Variants in RAB27B observed in about 807,000 individuals in gnomAD.
RAB27B encodes the protein ras-related protein Rab-27B.
In RAB27B, 15 loss-of-function variants were observed where a neutral mutation model predicts 24.6. That is an observed-to-expected ratio of 0.61 (90% CI 0.41 to 0.94). The LOEUF (loss-of-function observed/expected upper bound fraction) is 0.94, where lower values mean the gene tolerates loss of function less well. RAB27B is among the 40% of genes least tolerant of loss of function. RAB27B has a pLI of 0.00. For synonymous variants in RAB27B, 105 were observed against 92.5 expected (o/e 1.14, Z -0.78); for missense variants, 261 against 266.8 (o/e 0.98, Z 0.15).
chr18:54,812,146 T>C (rs1030315779), intron 2 of RAB27B, among the ~76,000 whole-genome samples: 1 of 152,186 alleles, frequency 6.6e-6, no homozygotes, highest in Non-Finnish European at 1.5e-5. Flanking sequence ...ATTAGTTTCA[T>C]TGACATTTTG....
chr18:54,795,076 G>T (rs1909372909), intron 2 of RAB27B, among the ~76,000 whole-genome samples: 1 of 152,142 alleles, frequency 6.6e-6, no homozygotes, highest in Non-Finnish European at 1.5e-5. Flanking sequence ...TACCAGGATG[G>T]AAATTGAGCT....
At chr18:54,859,515 A>T (rs1911928193) in intron 1 of RAB27B, among the ~76,000 whole-genome samples, 1 of 151,974 alleles carries the variant, frequency 6.6e-6, no homozygotes, top group Admixed American at 6.6e-5. Context: ...CCTATTCGAA[A>T]GCTAAAGAAT....
chr18:54,820,834 T>C (rs1037356667), intron 2 of RAB27B, among the ~76,000 whole-genome samples: 2 of 152,228 alleles, frequency 1.3e-5, no homozygotes, highest in Non-Finnish European at 1.5e-5. Context: ...TTTCTACATA[T>C]GGCTAGCTAG....
chr18:54,767,075 A>G (rs1908386206), intron 2 of RAB27B, among the ~76,000 whole-genome samples: 1 of 152,152 alleles, frequency 6.6e-6, no homozygotes, highest in African/African-American at 2.4e-5. Context: ...ACACATAGGG[A>G]AGAAGGTGGG....
intron 2 of RAB27B, among the ~76,000 whole-genome samples, chr18:54,808,234 C>G (rs1322837321): frequency 6.6e-6 from 1 of 152,180 alleles, no homozygotes. Flanking sequence ...CCCTCTTACT[C>G]AGGCTTGGTA....
Position 54,894,502 on chromosome 18 carries a change from CAT to C in RAB27B, c.*5092_*5093del, listed in dbSNP as rs1351159360. 5 of 152,050 alleles carry C rather than the reference CAT, an allele frequency of 3.3e-5. No individual in the cohort carries two copies. Among genetic ancestry groups the C allele is most frequent in the Non-Finnish European group, 7.4e-5 (5 of 67,956 alleles). 9.4% of individuals were successfully genotyped at this position (152,050 alleles called of 1,614,324 possible). ...GTTTCTGTTCCTAGAAAAGTAATAA[CAT>C]ATGCTTATCTTTATTCTTTTTCCAG... On this transcript the variant is annotated 3_prime_UTR_variant, in exon 6 of 6. Transcript: ENST00000262094.
At chr18:54,824,585 T>G (rs1172641843), upstream of RAB27B, among the ~76,000 whole-genome samples, 1 of 152,120 alleles carries the variant, frequency 6.6e-6, no homozygotes, top group Non-Finnish European at 1.5e-5. Flanking sequence ...AGAGGGGAAG[T>G]GTGGAGGATC....
chr18:54,787,432 A>T (rs1909122272), intron 2 of RAB27B, among the ~76,000 whole-genome samples: 1 of 152,202 alleles, frequency 6.6e-6, no homozygotes, highest in South Asian at 2.1e-4. Context: ...GTAAACCAAA[A>T]CAAGAGACAT....
chr18:54,835,603 T>C (rs12959691), intron 1 of RAB27B, among the ~76,000 whole-genome samples: 33 of 152,002 alleles, frequency 2.2e-4, no homozygotes, highest in Non-Finnish European at 4.1e-4. Context: ...AATATTCTCA[T>C]ATTTATAACC....
intron 2 of RAB27B, among the ~76,000 whole-genome samples, chr18:54,804,890 TTCTCTTTC>T (rs1568072579): frequency 6.9e-5 from 2 of 28,908 alleles, no homozygotes; most frequent in East Asian, 0.02. Flanking sequence ...CTTTCTTTCT[TTCTCTTTC>T]TCTCTCTCTT....
chr18:54,822,408 A>T (rs1258644088), intron 2 of RAB27B, among the ~76,000 whole-genome samples: 1 of 152,230 alleles, frequency 6.6e-6, no homozygotes, highest in Non-Finnish European at 1.5e-5. Flanking sequence ...TAACAAAAAC[A>T]CTGGTTTTAG....
At chr18:54,837,821 G>A (rs1317412620) in intron 1 of RAB27B, among the ~76,000 whole-genome samples, 2 of 152,046 alleles carry the variant, frequency 1.3e-5, no homozygotes, top group Admixed American at 6.6e-5. Flanking sequence ...TAAAATCATT[G>A]TTGTTCAATT....
chr18:54,854,986 T>C (rs924914027), intron 1 of RAB27B, among the ~76,000 whole-genome samples: 4 of 152,180 alleles, frequency 2.6e-5, no homozygotes, highest in Non-Finnish European at 5.9e-5. Context: ...ATTATTACCT[T>C]GTAATATATA....
At chr18:54,757,354 G>A (rs1448727678) in intron 2 of RAB27B, among the ~76,000 whole-genome samples, 1 of 152,156 alleles carries the variant, frequency 6.6e-6, no homozygotes, top group Non-Finnish European at 1.5e-5. Context: ...ACATCAGAGT[G>A]GCTCTAACCT....
intron 3 of RAB27B, among the ~76,000 whole-genome samples, chr18:54,882,367 G>A (rs2145281823): frequency 6.6e-6 from 1 of 152,224 alleles, no homozygotes; most frequent in South Asian, 2.1e-4. Flanking sequence ...AAAATATGAT[G>A]GATAGCAAGT....
intron 2 of RAB27B, among the ~76,000 whole-genome samples, chr18:54,794,415 T>C (rs944373226): frequency 1.3e-5 from 2 of 152,232 alleles, no homozygotes; most frequent in Non-Finnish European, 2.9e-5. Context: ...TGAGCTCCAG[T>C]GGCTGTATTA....
intron 1 of RAB27B, among the ~76,000 whole-genome samples, chr18:54,844,230 C>T (rs1189799314): frequency 6.6e-6 from 1 of 152,044 alleles, no homozygotes; most frequent in Non-Finnish European, 1.5e-5. Context: ...CTAAGGAGGT[C>T]TGTGGTGCAA....
At chr18:54,721,559 C>G (rs1734575287) in intron 2 of RAB27B, among the ~76,000 whole-genome samples, 1 of 152,116 alleles carries the variant, frequency 6.6e-6, no homozygotes. Flanking sequence ...TTAATGATCT[C>G]TTGCTGTATT....
At position 54,848,023 on chromosome 18, in the gene RAB27B, G is replaced by T. The variant is rs565556016; in HGVS notation, c.-20+19323G>T. On this transcript the variant is annotated intron_variant, in intron 1 of 5. Coordinates refer to ENST00000262094, the MANE Select transcript of RAB27B (RefSeq NM_004163.4). ...GGAAAGTGATGTTCAGAAAACGGAA[G>T]TGAGGTACAGAAACAACTGGATTGG... 7.2e-5 allele frequency among the ~76,000 whole-genome samples: 11 copies of T among 152,332 alleles called. No individual in the cohort carries two copies. In the South Asian group the frequency reaches 2.3e-3, roughly 32 times the overall value.
Sources: gnomAD v4.1 joint callset for allele counts (sites outside exome capture counted in the v4.1 genomes callset) on GRCh38, gnomAD v4.1.1 for gene constraint, MANE v1.5 for transcripts, NCBI Gene and HGNC (gene_info 2026-07-23, HGNC 2026-07-21) for gene names.